Variants in CEP120 observed in about 807,000 individuals in gnomAD.
The protein encoded by CEP120 is centrosomal protein of 120 kDa.
A neutral mutation model predicts 126.5 loss-of-function variants in CEP120; 113 were observed. That is an observed-to-expected ratio of 0.89 (90% CI 0.77 to 1.04). CEP120 has a LOEUF of 1.04. Ranked by LOEUF, CEP120 falls within the 50% of genes least tolerant of loss-of-function variation. The probability of loss-of-function intolerance (pLI) is 0.00; values close to 1 mark genes in which losing one functional copy is unlikely to be tolerated. For synonymous variants in CEP120, 400 were observed against 394.3 expected, an observed-to-expected ratio of 1.01 and a Z score of -0.17; for missense variants, 1,230 against 1,155.7, an observed-to-expected ratio of 1.06 and a Z score of -0.93.
At chr5:123,360,891 A>G (rs948370941) in intron 18 of CEP120, among the ~76,000 whole-genome samples, 1 of 151,036 alleles carries the variant, frequency 6.6e-6, no homozygotes, top group Non-Finnish European at 1.5e-5. Flanking sequence ...TACTTATATT[A>G]TTTTTTTGAA....
chr5:123,389,035 A>T (rs749123662), intron 8 of CEP120, among the ~76,000 whole-genome samples: 2 of 152,228 alleles, frequency 1.3e-5, no homozygotes. Context: ...TAAAACTTAA[A>T]AAGACAGATA....
At chr5:123,412,851 C>T (rs1034186126) in intron 3 of CEP120, among the ~76,000 whole-genome samples, 1 of 152,184 alleles carries the variant, frequency 6.6e-6, no homozygotes, top group Non-Finnish European at 1.5e-5. Flanking sequence ...CTCAATCTCA[C>T]TTCATCCCTT....
chr5:123,349,601 GA>G (rs200149612), intron 19 of CEP120, among the ~76,000 whole-genome samples: 2 of 150,918 alleles, frequency 1.3e-5, no homozygotes, highest in Non-Finnish European at 3.0e-5. Context: ...GTATTCACAG[GA>G]AAAAAAAAGT....
At position 123,382,850 on chromosome 5, in the gene CEP120, G is replaced by C. The variant is rs748599073; in HGVS notation, c.1900C>G (p.Pro634Ala). 8.1e-6 allele frequency: 13 copies of C among 1,613,434 alleles called. No individual in the cohort carries two copies. In the Admixed American group the frequency reaches 1.8e-4, roughly 23 times the overall value. Residue 634 changes from proline to alanine, a missense_variant, in exon 13 of 20, where the codon CCA becomes GCA. By Grantham distance (27) the Pro-to-Ala change is conservative. Coordinates refer to ENST00000306467, the MANE Select transcript of CEP120 (RefSeq NM_001375405.1). ...AVQQKPSSLP[P>A]APCPSEIQTE... ...TGGATCTCTGAAGGACAAGGTGCTG[G>C]AGGAAGAGAAGACGGCTTTTGCTGT...
At chr5:123,371,722 G>GA (rs1373779971) in intron 17 of CEP120, among the ~76,000 whole-genome samples, 2 of 152,120 alleles carry the variant, frequency 1.3e-5, no homozygotes, top group East Asian at 3.9e-4. Flanking sequence ...GAGAGAGATG[G>GA]AAAAAACTTC....
intron 18 of CEP120, among the ~76,000 whole-genome samples, chr5:123,362,885 T>C (rs927332281): frequency 6.6e-6 from 1 of 151,634 alleles, no homozygotes; most frequent in African/African-American, 2.4e-5. Flanking sequence ...AATTAAAACA[T>C]CCAAATTTGC....
At chr5:123,400,397 C>G (rs547656996) in intron 4 of CEP120, among the ~76,000 whole-genome samples, 2 of 152,036 alleles carry the variant, frequency 1.3e-5, no homozygotes, top group African/African-American at 4.8e-5. Flanking sequence ...TTAATAAAGG[C>G]AGCCGTCATA....
chr5:123,360,369 G>C (rs899123778), intron 18 of CEP120, among the ~76,000 whole-genome samples: 22 of 151,878 alleles, frequency 1.4e-4, no homozygotes, highest in African/African-American at 4.8e-5. Flanking sequence ...GCATCTCAGT[G>C]TAGTCTGCAG....
At chr5:123,406,874 A>ATG (rs959307925) in intron 4 of CEP120, among the ~76,000 whole-genome samples, 1 of 151,674 alleles carries the variant, frequency 6.6e-6, no homozygotes, top group African/African-American at 2.4e-5. Context: ...TTCAATTATT[A>ATG]TGTGTGTGTG....
At chr5:123,386,698 A>G in intron 9 of CEP120, 31 bp from the exon 10 acceptor site, 1 of 1,293,730 alleles carries the variant, frequency 7.7e-7, no homozygotes, top group East Asian at 2.7e-5. Context: ...AAAAAAAAAA[A>G]GCCTTAATGA....
chr5:123,345,890 G>A lies in CEP120; in HGVS notation c.*629C>T, dbSNP rs1317122180. 1 of 152,068 alleles carries A rather than the reference G, an allele frequency of 6.6e-6. No homozygotes were observed. Among genetic ancestry groups the A allele is most frequent in the Non-Finnish European group, 1.5e-5 (1 of 68,002 alleles). The allele number at this position is 152,068 out of a possible 1,614,324, so 9.4% of individuals were successfully genotyped here. ...AAGCTAATACTTCATGTTCTTAAAA[G>A]TTATAAATACACTGAAAATTTGAAA... is the stretch of plus-strand genomic sequence containing the variant. On this transcript the variant is annotated 3_prime_UTR_variant, in exon 20 of 20. Coordinates refer to ENST00000306467, the MANE Select transcript of CEP120 (RefSeq NM_001375405.1).
intron 18 of CEP120, among the ~76,000 whole-genome samples, chr5:123,361,894 C>G (rs1279955893): frequency 6.6e-6 from 1 of 151,704 alleles, no homozygotes; most frequent in Non-Finnish European, 1.5e-5. Context: ...TCTCATTGTT[C>G]AAATGAAGAA....
intron 18 of CEP120, among the ~76,000 whole-genome samples, chr5:123,361,197 T>G (rs752384359): frequency 2.6e-5 from 4 of 151,836 alleles, no homozygotes; most frequent in Non-Finnish European, 4.4e-5. Flanking sequence ...AGTTAAAAAC[T>G]TGAAATGATT....
At chr5:123,378,877 T>A (rs1048437410) in intron 14 of CEP120, among the ~76,000 whole-genome samples, 3 of 151,868 alleles carry the variant, frequency 2.0e-5, no homozygotes, top group Non-Finnish European at 4.4e-5. Flanking sequence ...GTGAATGACA[T>A]CATCCAAGGA....
At chr5:123,398,922 G>C (rs1264227116) in intron 5 of CEP120, among the ~76,000 whole-genome samples, 1 of 151,848 alleles carries the variant, frequency 6.6e-6, no homozygotes, top group African/African-American at 2.4e-5. Flanking sequence ...TAAATCCTGA[G>C]AGATTTATTC....
In CEP120 at chr5:123,346,492, G is replaced by A; in HGVS notation, c.*27C>T. 6 of 1,477,062 alleles carry A rather than the reference G, an allele frequency of 4.1e-6. No individual in the cohort carries two copies. The South Asian group carries it at 7.3e-5, about 18-fold the overall frequency. 91.5% of individuals were successfully genotyped at this position (1,477,062 alleles called of 1,614,324 possible). On this transcript the variant is annotated 3_prime_UTR_variant, in exon 20 of 20. Transcript: ENST00000306467. ...AAAGAAATTAAAATTTAGACTTAGA[G>A]TCTCTATAAAGCTTTTCCAAATGTT...
chr5:123,357,443 T>TATC (rs1769723396), intron 18 of CEP120, among the ~76,000 whole-genome samples: 1 of 152,130 alleles, frequency 6.6e-6, no homozygotes, highest in Middle Eastern at 3.2e-3. Context: ...TTCTTCATCA[T>TATC]ATCACCTATT....
intron 19 of CEP120, among the ~76,000 whole-genome samples, chr5:123,349,617 T>C (rs1580621064): frequency 6.6e-6 from 1 of 152,128 alleles, no homozygotes; most frequent in African/African-American, 2.4e-5. Flanking sequence ...AAAAGTTTAA[T>C]AGTCTTTGGC....
At chr5:123,352,901 G>A (rs1769296424) in intron 18 of CEP120, among the ~76,000 whole-genome samples, 1 of 64,538 alleles carries the variant, frequency 1.5e-5, no homozygotes, top group Non-Finnish European at 3.4e-5. Context: ...TTAGATGGTA[G>A]AGCTTTACAA....
Sources: allele counts gnomAD v4.1 joint callset (sites outside exome capture counted in the v4.1 genomes callset), GRCh38; gene constraint gnomAD v4.1.1; transcripts MANE v1.5; gene names NCBI Gene and HGNC (gene_info 2026-07-23, HGNC 2026-07-21).